The following CSMD2 variants were observed in gnomAD, a reference collection of about 807,000 sequenced individuals.
CSMD2 encodes the protein CUB and Sushi multiple domains 2.
A neutral mutation model predicts 398.5 loss-of-function variants in CSMD2; 130 were observed. That is an observed-to-expected ratio of 0.33 (90% CI 0.28 to 0.38). The LOEUF (loss-of-function observed/expected upper bound fraction) is 0.38, where lower values mean the gene tolerates loss of function less well. Ranked by LOEUF, CSMD2 falls within the 10% of genes least tolerant of loss-of-function variation. The probability of loss-of-function intolerance (pLI) is 1.00; values close to 1 mark genes in which losing one functional copy is unlikely to be tolerated. For missense variants in CSMD2, 3,829 were observed against 4,764.9 expected (o/e 0.80, Z 5.78); for synonymous variants, 1,828 against 1,908.5 (o/e 0.96, Z 1.10).
intron 10 of CSMD2, among the ~76,000 whole-genome samples, chr1:33,808,183 G>A (rs573473239): frequency 6.6e-6 from 1 of 152,218 alleles, no homozygotes; most frequent in East Asian, 1.9e-4. Context: ...CATAATGGAA[G>A]ATTTTAATAT....
At chr1:33,947,646 T>C (rs1644878885) in intron 3 of CSMD2, among the ~76,000 whole-genome samples, 1 of 152,176 alleles carries the variant, frequency 6.6e-6, no homozygotes, top group African/African-American at 2.4e-5. Flanking sequence ...AAGAGGCGTC[T>C]GACCACCATC....
At chr1:33,975,988 C>T (rs1023129040) in intron 3 of CSMD2, among the ~76,000 whole-genome samples, 1 of 152,242 alleles carries the variant, frequency 6.6e-6, no homozygotes, top group African/African-American at 2.4e-5. Context: ...CATCCAAATG[C>T]AGGGGGCACC....
At chr1:33,721,501 CAG>C (rs1470570927) in intron 19 of CSMD2, among the ~76,000 whole-genome samples, 3 of 152,190 alleles carry the variant, frequency 2.0e-5, no homozygotes, top group Non-Finnish European at 4.4e-5. Flanking sequence ...ACCACAATGA[CAG>C]GGGTTGTTTC....
At chr1:33,802,459 C>T (rs981923031) in intron 10 of CSMD2, among the ~76,000 whole-genome samples, 8 of 152,202 alleles carry the variant, frequency 5.3e-5, no homozygotes, top group African/African-American at 1.9e-4. Flanking sequence ...TAGCCATTCC[C>T]ACACCACAGC....
At chr1:33,637,016 T>G (rs1379765918) in intron 29 of CSMD2, among the ~76,000 whole-genome samples, 1 of 152,220 alleles carries the variant, frequency 6.6e-6, no homozygotes, top group Non-Finnish European at 1.5e-5. Context: ...CCTCCTGGCC[T>G]TTTGTGTTCA....
intron 3 of CSMD2, among the ~76,000 whole-genome samples, chr1:34,001,882 G>C (rs983778635): frequency 9.9e-5 from 15 of 152,064 alleles, no homozygotes; most frequent in Admixed American, 5.9e-4. Context: ...ATGCAGGGGT[G>C]GTTAATAAAT....
chr1:33,887,766 T>G (rs1457981268), intron 5 of CSMD2, among the ~76,000 whole-genome samples: 1 of 152,062 alleles, frequency 6.6e-6, no homozygotes, highest in Non-Finnish European at 1.5e-5. Flanking sequence ...CTGGAGGCAG[T>G]AGTCATATAA....
intron 25 of CSMD2, among the ~76,000 whole-genome samples, chr1:33,677,026 A>T (rs12042614): frequency 0.13 from 20,332 of 152,234 alleles, 1,437 homozygotes; most frequent in South Asian, 0.22. Context: ...AACCTAGGCA[A>T]TACCATGCAG....
At chr1:33,866,473 C>A (rs760344816) in intron 5 of CSMD2, among the ~76,000 whole-genome samples, 3 of 152,234 alleles carry the variant, frequency 2.0e-5, no homozygotes, top group African/African-American at 4.8e-5. Flanking sequence ...TGTAGGCATG[C>A]TGGCAAAATT....
intron 1 of CSMD2, among the ~76,000 whole-genome samples, chr1:34,153,631 C>T (rs1640533919): frequency 6.6e-6 from 1 of 152,178 alleles, no homozygotes; most frequent in African/African-American, 2.4e-5. Flanking sequence ...AGTAATCCTG[C>T]CCATTCTCTA....
At chr1:33,963,043 G>C (rs991498058) in intron 3 of CSMD2, among the ~76,000 whole-genome samples, 5 of 152,236 alleles carry the variant, frequency 3.3e-5, no homozygotes, top group African/African-American at 1.2e-4. Context: ...ATGAAGAGCA[G>C]GTGTCACCTG....
chr1:33,831,892 A>G (rs1296151018), intron 6 of CSMD2, among the ~76,000 whole-genome samples: 2 of 152,098 alleles, frequency 1.3e-5, no homozygotes, highest in African/African-American at 4.8e-5. Flanking sequence ...CTTTAAACCA[A>G]TAAAGATCAA....
intron 12 of CSMD2, among the ~76,000 whole-genome samples, chr1:33,777,093 C>T (rs553108079): frequency 1.3e-5 from 2 of 152,126 alleles, no homozygotes; most frequent in African/African-American, 4.8e-5. Flanking sequence ...GGGGTTTACA[C>T]GTGGGTGGAA....
At chr1:34,016,013 C>CTCTG (rs141863704) in intron 3 of CSMD2, among the ~76,000 whole-genome samples, 1 of 148,996 alleles carries the variant, frequency 6.7e-6, no homozygotes, top group Non-Finnish European at 1.5e-5. Flanking sequence ...ACTCCTTGCT[C>CTCTG]TGTGTGTGTG....
chr1:33,907,737 C>A (rs543623859), intron 5 of CSMD2, among the ~76,000 whole-genome samples: 1 of 152,270 alleles, frequency 6.6e-6, no homozygotes, highest in East Asian at 1.9e-4. Flanking sequence ...GCCATTTCAT[C>A]GGACTGTCAT....
chr1:33,784,845 C>T (rs1441523), intron 12 of CSMD2, among the ~76,000 whole-genome samples: 9,066 of 152,242 alleles, frequency 0.06, 881 homozygotes, highest in African/African-American at 0.21. Flanking sequence ...CTCCTAACAA[C>T]GCTCTCAGAT....
chr1:33,730,048 C>T (rs1438866846), intron 15 of CSMD2, among the ~76,000 whole-genome samples: 3 of 152,218 alleles, frequency 2.0e-5, no homozygotes, highest in African/African-American at 7.2e-5. Context: ...TGTATGGAAA[C>T]AGCCCAAATG....
intron 3 of CSMD2, among the ~76,000 whole-genome samples, chr1:33,948,448 A>G (rs1644904554): frequency 6.6e-6 from 1 of 152,178 alleles, no homozygotes; most frequent in African/African-American, 2.4e-5. Flanking sequence ...TCCCCTTTAC[A>G]AGAGACATGC....
chr1:33,860,922 C>A (rs1229821272), intron 5 of CSMD2: 1 of 152,138 alleles, frequency 6.6e-6, no homozygotes, highest in Non-Finnish European at 1.5e-5. Context: ...TAAATAACAA[C>A]ATAAAGTAAA....
Sources: allele counts gnomAD v4.1 joint callset (sites outside exome capture counted in the v4.1 genomes callset), GRCh38; gene constraint gnomAD v4.1.1; transcripts MANE v1.5; gene names NCBI Gene and HGNC (gene_info 2026-07-23, HGNC 2026-07-21).